The following ATF7IP2 variants were observed in gnomAD, a reference collection of about 807,000 sequenced individuals.
ATF7IP2 encodes the protein activating transcription factor 7 interacting protein 2.
Under a neutral mutation model 64.2 loss-of-function variants are expected in ATF7IP2, and 42 were observed. That is an observed-to-expected ratio of 0.65 (90% CI 0.51 to 0.85). The LOEUF (loss-of-function observed/expected upper bound fraction) is 0.85. Among genes scored for constraint, ATF7IP2 ranks in the 40% least tolerant of loss-of-function variants. The pLI, the probability that ATF7IP2 is intolerant of heterozygous loss-of-function variation, is 0.00. For missense variants in ATF7IP2, 933 were observed against 784.2 expected, an observed-to-expected ratio of 1.19 and a Z score of -2.27; for synonymous variants, 308 against 272.8, an observed-to-expected ratio of 1.13 and a Z score of -1.27.
intron 9 of ATF7IP2, among the ~76,000 whole-genome samples, chr16:10,460,453 G>A (rs2049336624): frequency 6.6e-6 from 1 of 152,168 alleles, no homozygotes; most frequent in Admixed American, 6.5e-5. Context: ...TTTGCCATCA[G>A]ACGTTAGGAT....
intron 8 of ATF7IP2, among the ~76,000 whole-genome samples, chr16:10,454,900 A>C (rs1016948001): frequency 6.6e-6 from 1 of 152,188 alleles, no homozygotes; most frequent in African/African-American, 2.4e-5. Flanking sequence ...TTATTTTTAT[A>C]ATACCTGATT....
intron 9 of ATF7IP2, among the ~76,000 whole-genome samples, chr16:10,464,883 G>T (rs142398250): frequency 3.2e-4 from 48 of 152,326 alleles, no homozygotes; most frequent in African/African-American, 1.1e-3. Flanking sequence ...AGGCTGGAGT[G>T]CAACGGCACG....
intron 9 of ATF7IP2, 46 bp downstream of exon 9, chr16:10,457,575 A>G (rs1245602781): frequency 3.6e-6 from 5 of 1,384,800 alleles, no homozygotes; most frequent in Non-Finnish European, 4.9e-6. Flanking sequence ...AATCTATAAT[A>G]ATGAATTTTT....
intron 1 of ATF7IP2, among the ~76,000 whole-genome samples, chr16:10,393,349 A>G (rs2047365860): frequency 6.7e-6 from 1 of 150,038 alleles, no homozygotes; most frequent in South Asian, 2.1e-4. Flanking sequence ...AAAAGACACC[A>G]TTGGAAAAAT....
intron 8 of ATF7IP2, among the ~76,000 whole-genome samples, chr16:10,443,897 G>C (rs561675094): frequency 4.7e-4 from 71 of 152,294 alleles, no homozygotes; most frequent in Admixed American, 1.8e-3. Flanking sequence ...TAGCGATATA[G>C]AGATAAGGCT....
chr16:10,420,807 C>G (rs996676957), intron 3 of ATF7IP2, among the ~76,000 whole-genome samples: 14 of 152,158 alleles, frequency 9.2e-5, no homozygotes, highest in African/African-American at 3.4e-4. Context: ...CAGTCAATAC[C>G]TCAATTACAG....
At chr16:10,460,900 C>T (rs760274109) in intron 9 of ATF7IP2, among the ~76,000 whole-genome samples, 3 of 152,094 alleles carry the variant, frequency 2.0e-5, no homozygotes, top group African/African-American at 4.8e-5. Context: ...AGTGAGAAGA[C>T]AGGCCATCCG....
At chr16:10,434,117 C>T (rs1319730526) in intron 6 of ATF7IP2, among the ~76,000 whole-genome samples, 2 of 152,106 alleles carry the variant, frequency 1.3e-5, no homozygotes, top group Non-Finnish European at 2.9e-5. Context: ...GTTTACTTGC[C>T]CTATTTTCCA....
At chr16:10,420,296 A>G (rs975323309) in intron 3 of ATF7IP2, among the ~76,000 whole-genome samples, 3 of 152,168 alleles carry the variant, frequency 2.0e-5, no homozygotes, top group African/African-American at 7.2e-5. Flanking sequence ...AGCCCAGACA[A>G]AATGAGAAAA....
chr16:10,467,273 A>C (rs1326014115), intron 9 of ATF7IP2, among the ~76,000 whole-genome samples: 1 of 152,190 alleles, frequency 6.6e-6, no homozygotes, highest in African/African-American at 2.4e-5. Flanking sequence ...GAGACTGCCA[A>C]AAATTACCTC....
chr16:10,475,712 T>A (rs916349885), intron 12 of ATF7IP2, among the ~76,000 whole-genome samples: 44 of 9,314 alleles, frequency 4.7e-3, no homozygotes, highest in Middle Eastern at 0.042. Flanking sequence ...AAACCCAATC[T>A]AAGAAGCCAG....
At chr16:10,396,503 G>C (rs1275019062) in intron 1 of ATF7IP2, among the ~76,000 whole-genome samples, 1 of 152,110 alleles carries the variant, frequency 6.6e-6, no homozygotes, top group African/African-American at 2.4e-5. Flanking sequence ...TAGTTTTACA[G>C]TTTTGGGTCT....
chr16:10,441,547 C>G (rs1351282915), intron 8 of ATF7IP2, among the ~76,000 whole-genome samples: 3 of 152,118 alleles, frequency 2.0e-5, no homozygotes, highest in Non-Finnish European at 4.4e-5. Context: ...GCATAAATGT[C>G]TTCTTTGGAG....
At chr16:10,474,916 G>A (rs897131585) in intron 12 of ATF7IP2, among the ~76,000 whole-genome samples, 1 of 152,160 alleles carries the variant, frequency 6.6e-6, no homozygotes, top group East Asian at 1.9e-4. Flanking sequence ...AGAAAATATG[G>A]CTTTCAAAAA....
chr16:10,411,507 A>T (rs1334468020), intron 1 of ATF7IP2, among the ~76,000 whole-genome samples: 3 of 151,924 alleles, frequency 2.0e-5, no homozygotes, highest in Admixed American at 1.3e-4. Context: ...AGTAGCTGGG[A>T]TTACAGGCGT....
rs201540502 is a variant in ATF7IP2 at position 10,433,695 on chromosome 16, A to G, written c.960+46A>G. On this transcript the variant is annotated intron_variant, in intron 6 of 13. Transcript: ENST00000562102. ...TGGAACTTTTACTTTTGATTAGTAAAACATGGTAAAAGTTAATTATCTGGT... is the reference window on the plus strand; with the variant it reads ...TGGAACTTTTACTTTTGATTAGTAAGACATGGTAAAAGTTAATTATCTGGT... The G allele has an allele frequency of 1.1e-4, 180 of 1,594,686 alleles. No homozygotes were observed. The African/African-American group carries it at 2.2e-3, about 20-fold the overall frequency.
intron 12 of ATF7IP2, among the ~76,000 whole-genome samples, chr16:10,479,702 A>T (rs149086783): frequency 8.3e-4 from 127 of 152,242 alleles, no homozygotes; most frequent in African/African-American, 2.9e-3. Context: ...CATTTCTCAA[A>T]AGAAGACGTA....
intron 12 of ATF7IP2, among the ~76,000 whole-genome samples, chr16:10,475,057 G>T (rs572009847): frequency 2.6e-5 from 4 of 152,200 alleles, no homozygotes; most frequent in African/African-American, 7.2e-5. Context: ...AAATTTTTCA[G>T]ATCAACAAAA....
intron 3 of ATF7IP2, among the ~76,000 whole-genome samples, chr16:10,427,845 C>T (rs2061752699): frequency 1.3e-5 from 2 of 149,676 alleles, no homozygotes; most frequent in South Asian, 4.2e-4. Flanking sequence ...GCAGCAAGAC[C>T]CTGTCTCAAA....
Sources: gnomAD v4.1 joint callset for allele counts (sites outside exome capture counted in the v4.1 genomes callset) on GRCh38, gnomAD v4.1.1 for gene constraint, MANE v1.5 for transcripts, NCBI Gene and HGNC (gene_info 2026-07-23, HGNC 2026-07-21) for gene names.